MAML3: variants seen among roughly 807,000 people sequenced by gnomAD.
MAML3 encodes mastermind like transcriptional coactivator 3, also known as mastermind-like protein 3.
A neutral mutation model predicts 101.9 loss-of-function variants in MAML3; 27 were observed. The ratio of observed to expected loss-of-function variants is 0.27; its 90% CI spans 0.20 to 0.37. MAML3 has a LOEUF of 0.37. MAML3 is among the 10% of genes least tolerant of loss of function. MAML3 has a pLI of 1.00. For synonymous variants in MAML3, 501 were observed against 555.9 expected (o/e 0.90, Z 1.39); for missense variants, 1,316 against 1,444.9 (o/e 0.91, Z 1.45).
At position 139,888,022 on chromosome 4, in the gene MAML3, G is replaced by A. The variant is rs573668673; in HGVS notation, c.2079+1335C>T. On this transcript the variant is annotated intron_variant, in intron 2 of 4. Transcript: ENST00000509479. ...AAGTTATACTTTTATTTATCCAGACGGAATCTTTAGAGCCGGCTGGCATGT... is the reference window on the plus strand; with the variant it reads ...AAGTTATACTTTTATTTATCCAGACAGAATCTTTAGAGCCGGCTGGCATGT... 2.0e-5 allele frequency among the ~76,000 whole-genome samples: 3 copies of A among 152,202 alleles called. No individual in the cohort carries two copies. In the South Asian group the frequency reaches 6.2e-4, roughly 32 times the overall value.
intron 2 of MAML3, among the ~76,000 whole-genome samples, chr4:139,822,670 A>C (rs910356373): frequency 2.0e-5 from 3 of 152,184 alleles, no homozygotes; most frequent in Non-Finnish European, 2.9e-5. Flanking sequence ...CACAAACATC[A>C]AGATGTTAGC....
chr4:139,984,734 G>C (rs150103102), intron 1 of MAML3, among the ~76,000 whole-genome samples: 1 of 152,224 alleles, frequency 6.6e-6, no homozygotes. Flanking sequence ...TCAGTCTTGA[G>C]ACAGACTTTC....
At chr4:140,003,014 T>C (rs570682558) in intron 1 of MAML3, among the ~76,000 whole-genome samples, 2 of 152,324 alleles carry the variant, frequency 1.3e-5, no homozygotes, top group East Asian at 3.9e-4. Context: ...ACAATTTGGA[T>C]GTCCAGAAGT....
intron 1 of MAML3, among the ~76,000 whole-genome samples, chr4:139,951,232 T>C (rs1178815184): frequency 1.3e-5 from 2 of 152,216 alleles, no homozygotes; most frequent in Admixed American, 6.5e-5. Flanking sequence ...ACATCCACCA[T>C]TGCCCAAAGC....
At chr4:139,907,433 T>C (rs527407295) in intron 1 of MAML3, among the ~76,000 whole-genome samples, 22 of 152,296 alleles carry the variant, frequency 1.4e-4, no homozygotes, top group African/African-American at 4.8e-4. Flanking sequence ...CCAAATAAGA[T>C]CCTTATTTTA....
intron 2 of MAML3, among the ~76,000 whole-genome samples, chr4:139,879,092 A>G (rs1482367976): frequency 6.6e-6 from 1 of 152,230 alleles, no homozygotes; most frequent in African/African-American, 2.4e-5. Context: ...AATAACTGCC[A>G]TATTTAAACA....
chr4:139,885,932 CAAAAAAAAA>C (rs1182443191), intron 2 of MAML3, among the ~76,000 whole-genome samples: 8 of 20,312 alleles, frequency 3.9e-4, no homozygotes, highest in Admixed American at 1.1e-3. Context: ...GACTCCGTCT[CAAAAAAAAA>C]AAAAAAAAAA....
chr4:139,922,311 G>GCA (rs1232290355), intron 1 of MAML3, among the ~76,000 whole-genome samples: 1 of 152,052 alleles, frequency 6.6e-6, no homozygotes, highest in Non-Finnish European at 1.5e-5. Context: ...AATTCCTTAA[G>GCA]CACTCATATT....
intron 1 of MAML3, among the ~76,000 whole-genome samples, chr4:139,897,052 G>A (rs1000062774): frequency 2.0e-5 from 3 of 152,176 alleles, no homozygotes; most frequent in Admixed American, 1.3e-4. Context: ...TAGCAGTGCT[G>A]GCAAGTCAGA....
At chr4:140,086,454 C>T (rs985963959) in intron 1 of MAML3, among the ~76,000 whole-genome samples, 6 of 152,066 alleles carry the variant, frequency 3.9e-5, no homozygotes, top group African/African-American at 9.7e-5. Context: ...ATGCTTTATT[C>T]CAACGATCTT....
chr4:139,767,525 G>A (rs1419383329), intron 2 of MAML3, among the ~76,000 whole-genome samples: 1 of 151,984 alleles, frequency 6.6e-6, no homozygotes, highest in African/African-American at 2.4e-5. Flanking sequence ...CTCCATAATG[G>A]TCCTTCCGAC....
chr4:140,041,015 T>A (rs1452324653), intron 1 of MAML3, among the ~76,000 whole-genome samples: 1 of 152,132 alleles, frequency 6.6e-6, no homozygotes, highest in Non-Finnish European at 1.5e-5. Flanking sequence ...AAGGAATCAT[T>A]TTGTTGTTTG....
At chr4:139,738,338 G>C (rs1307835849) in intron 2 of MAML3, among the ~76,000 whole-genome samples, 1 of 152,228 alleles carries the variant, frequency 6.6e-6, no homozygotes, top group Non-Finnish European at 1.5e-5. Flanking sequence ...GAGGTCAGGA[G>C]ATCAAGACCA....
At chr4:140,132,559 T>C (rs528030505) in intron 1 of MAML3, among the ~76,000 whole-genome samples, 20 of 152,210 alleles carry the variant, frequency 1.3e-4, no homozygotes, top group Non-Finnish European at 2.8e-4. Context: ...GGGACCCATG[T>C]CAGGGCTGTT....
chr4:139,850,915 A>AG (rs1323755789), intron 2 of MAML3, among the ~76,000 whole-genome samples: 55 of 147,450 alleles, frequency 3.7e-4, no homozygotes, highest in African/African-American at 1.4e-3. Flanking sequence ...AAAAAAAAAA[A>AG]AGAGAGAGAG....
At chr4:140,095,225 A>G (rs1388218637) in intron 1 of MAML3, among the ~76,000 whole-genome samples, 1 of 152,112 alleles carries the variant, frequency 6.6e-6, no homozygotes, top group Non-Finnish European at 1.5e-5. Flanking sequence ...CTTCCTGCCT[A>G]ATCTATTCCC....
intron 1 of MAML3, among the ~76,000 whole-genome samples, chr4:140,139,200 G>A (rs1342418628): frequency 6.6e-6 from 1 of 152,184 alleles, no homozygotes; most frequent in African/African-American, 2.4e-5. Context: ...TTGAGCCCAG[G>A]AGTTGGAGGC....
At chr4:139,866,123 G>A (rs1425282629) in intron 2 of MAML3, among the ~76,000 whole-genome samples, 1 of 152,246 alleles carries the variant, frequency 6.6e-6, no homozygotes. Context: ...ACCCCCAGGA[G>A]GCAGGGATTC....
chr4:139,719,503 G>A lies in MAML3; in HGVS notation c.3237C>T (p.Ser1079=). 5 of 1,613,990 alleles carry A rather than the reference G, an allele frequency of 3.1e-6. No homozygotes were observed. Among genetic ancestry groups the A allele is most frequent in the Middle Eastern group, 3.3e-4 (2 of 6,062 alleles). ...QIPSGSFAPS[S]QSQAYERNAP... ...CATTCCGCTCATAGGCTTGGCTCTG[G>A]CTGCTTGGAGCAAAGCTGCCACTGG... The change falls in exon 5 of 5, where the codon AGC becomes AGT. Residue 1079 remains serine (S), a synonymous_variant. Coordinates refer to ENST00000509479, the MANE Select transcript of MAML3 (RefSeq NM_018717.5).
Sources: gnomAD v4.1 joint callset for allele counts (sites outside exome capture counted in the v4.1 genomes callset) on GRCh38, gnomAD v4.1.1 for gene constraint, MANE v1.5 for transcripts, NCBI Gene and HGNC (gene_info 2026-07-23, HGNC 2026-07-21) for gene names.